GGT7: variants seen among roughly 807,000 people sequenced by gnomAD.
The protein encoded by GGT7 is glutathione hydrolase 7.
GGT7 carries 30 observed loss-of-function variants against 69.2 expected under a neutral mutation model. The ratio of observed to expected loss-of-function variants is 0.43; its 90% CI spans 0.32 to 0.59. The LOEUF (loss-of-function observed/expected upper bound fraction) is 0.59, where lower values mean the gene tolerates loss of function less well. Among genes scored for constraint, GGT7 ranks in the 20% least tolerant of loss-of-function variants. The probability of loss-of-function intolerance (pLI) is 0.05; values close to 1 mark genes in which losing one functional copy is unlikely to be tolerated. For missense variants in GGT7, 733 were observed against 901.1 expected, an observed-to-expected ratio of 0.81 and a Z score of 2.39; for synonymous variants, 388 against 391.8, an observed-to-expected ratio of 0.99 and a Z score of 0.12.
intron 12 of GGT7, 43 bp from the exon 13 acceptor site, chr20:34,851,411 G>A (rs765829550): frequency 6.4e-7 from 1 of 1,569,610 alleles, no homozygotes. Context: ...GGTGGGGTGG[G>A]ACAAGACCGG....
rs1171478210 is a variant in GGT7, at chr20:34,850,009, G to A, written c.1777C>T (p.Arg593Cys). Residue 593 changes from arginine (R) to cysteine (C), a missense_variant, in exon 14 of 15, where the codon CGC becomes TGC. Physicochemically the swap from Arg to Cys is radical, Grantham distance 180. Transcript: ENST00000336431. ...LNRNLSDSLA[R>C]GRLHPDLQSN... ...TGCAGGTCCGGGTGTAGGCGGCCGC[G>A]GGCCAGGCTGTCACTCAGGTTCCGG... 22 of 1,613,726 alleles carry A rather than the reference G, an allele frequency of 1.4e-5. No homozygotes were observed. The highest frequency in any genetic ancestry group is 4.0e-5 in the African/African-American group (3 of 74,916).
At chr20:34,861,026 C>G (rs553792544) in intron 4 of GGT7, among the ~76,000 whole-genome samples, 1 of 152,172 alleles carries the variant, frequency 6.6e-6, no homozygotes, top group Non-Finnish European at 1.5e-5. Flanking sequence ...GCACTAAGTA[C>G]CCATTTTTCC....
At chr20:34,861,613 T>G in intron 3 of GGT7, 51 bp from the exon 4 acceptor site, 1 of 1,105,214 alleles carries the variant, frequency 9.0e-7, no homozygotes, top group Non-Finnish European at 1.2e-6. Flanking sequence ...TACCCCTCTG[T>G]ACAATGAATC....
At chr20:34,862,750 T>C in intron 3 of GGT7, 64 bp downstream of exon 3, 2 of 1,505,688 alleles carry the variant, frequency 1.3e-6, no homozygotes, top group Non-Finnish European at 1.8e-6. Context: ...GTGCTGCACA[T>C]GAGGCCTACA....
chr20:34,853,949 T>C (rs1026918021), intron 10 of GGT7, among the ~76,000 whole-genome samples: 2 of 152,182 alleles, frequency 1.3e-5, no homozygotes. Context: ...TGTTTGTTTG[T>C]TTTTGGAGAC....
At position 34,854,926 on chromosome 20, in the gene GGT7, G is replaced by C; in HGVS notation, c.1103-3C>G. The C allele has an allele frequency of 6.2e-7, 1 of 1,613,476 alleles. No homozygotes were observed. Among genetic ancestry groups the C allele is most frequent in the Non-Finnish European group, 8.5e-7 (1 of 1,179,796 alleles). On this transcript the variant is annotated splice_region_variant and splice_polypyrimidine_tract_variant and intron_variant, in intron 8 of 14. Transcript: ENST00000336431. ...TGGGGGACTAAGAACCAGGTGGCCT[G>C]AAAGGACAGGAAGTGACTGATGGCA...
chr20:34,872,637 C>T lies in GGT7; in HGVS notation c.169+10G>A, dbSNP rs1263497002. The T allele has an allele frequency of 2.1e-6, 3 of 1,448,418 alleles. No homozygotes were observed. Among genetic ancestry groups the T allele is most frequent in the Admixed American group, 2.9e-5 (1 of 34,412 alleles). The allele number at this position is 1,448,418 out of a possible 1,614,324, so 89.7% of individuals were successfully genotyped here. Reference sequence around the variant, plus strand: ...CAAGGCAGGGCAGGGACGGGGTCAGCGGGCCTCACCGGTGTCGGGGTCTCC... The same window carrying T: ...CAAGGCAGGGCAGGGACGGGGTCAGTGGGCCTCACCGGTGTCGGGGTCTCC... On this transcript the variant is annotated intron_variant, in intron 1 of 14. Coordinates refer to ENST00000336431, the MANE Select transcript of GGT7 (RefSeq NM_178026.3).
At chr20:34,853,075 G>C (rs958632676) in intron 10 of GGT7, among the ~76,000 whole-genome samples, 2 of 151,804 alleles carry the variant, frequency 1.3e-5, no homozygotes, top group East Asian at 3.9e-4. Context: ...TCAGCCTCCC[G>C]ATTATCTGGG....
Position 34,859,358 on chromosome 20 carries a change from G to A in GGT7, c.1014+85C>T, listed in dbSNP as rs1183020084. 5.1e-6 allele frequency: 5 copies of A among 990,042 alleles called. No homozygotes were observed. In the African/African-American group the frequency reaches 6.5e-5, roughly 13 times the overall value. 61.3% of individuals were successfully genotyped at this position (990,042 alleles called of 1,614,324 possible). A position where few individuals can be genotyped will look rare whatever the true frequency, so the allele number is the denominator to read the frequency against. On this transcript the variant is annotated intron_variant, in intron 7 of 14. Transcript: ENST00000336431. ...ATATAGAAAGAAAGGGAGGGAGGGA[G>A]GGAAGGAAGGAAAAAATGCGGACGC...
intron 7 of GGT7, among the ~76,000 whole-genome samples, chr20:34,859,129 C>T (rs939375559): frequency 2.0e-5 from 3 of 151,722 alleles, no homozygotes; most frequent in Admixed American, 6.6e-5. Flanking sequence ...AAGATCGCAC[C>T]ACTGCACTCC....
chr20:34,871,674 C>G (rs767972788), intron 1 of GGT7, among the ~76,000 whole-genome samples: 8 of 152,178 alleles, frequency 5.3e-5, no homozygotes, highest in Non-Finnish European at 1.0e-4. Flanking sequence ...AGGGCCAAGC[C>G]GGAAAAGCAG....
At chr20:34,851,654 G>A (rs1445725820) in intron 12 of GGT7, among the ~76,000 whole-genome samples, 1 of 152,214 alleles carries the variant, frequency 6.6e-6, no homozygotes, top group Non-Finnish European at 1.5e-5. Context: ...CAATGGGGAA[G>A]AACAGGATAA....
chr20:34,861,564 TG>T lies in GGT7; in HGVS notation c.558-3del. 6.9e-7 allele frequency: 1 copy of T among 1,456,010 alleles called. No homozygotes were observed. The highest frequency in any genetic ancestry group is 9.2e-7 in the Non-Finnish European group (1 of 1,082,672). 90.2% of individuals were successfully genotyped at this position (1,456,010 alleles called of 1,614,324 possible). On this transcript the variant is annotated splice_polypyrimidine_tract_variant and splice_region_variant and intron_variant, in intron 3 of 14. Transcript: ENST00000336431. Reference sequence around the variant, plus strand: ...TCATGTACCAGCATCACGCCCCCACTGGGAGAGACACAGAAGGGGAAGTGTG... The same window carrying T: ...TCATGTACCAGCATCACGCCCCCACTGGAGAGACACAGAAGGGGAAGTGTG...
intron 14 of GGT7, among the ~76,000 whole-genome samples, chr20:34,849,660 G>A (rs967532892): frequency 6.6e-6 from 1 of 152,168 alleles, no homozygotes; most frequent in Non-Finnish European, 1.5e-5. Flanking sequence ...CCTGGAACAC[G>A]TACGTGTTCA....
rs2079597150 is a variant in GGT7, at chr20:34,861,577, G to A, written c.558-15C>T. On this transcript the variant is annotated splice_polypyrimidine_tract_variant and intron_variant, in intron 3 of 14. Coordinates refer to ENST00000336431, the MANE Select transcript of GGT7 (RefSeq NM_178026.3). ...TCACGCCCCCACTGGGAGAGACACA[G>A]AAGGGGAAGTGTGATGATAACATGC... The A allele has an allele frequency of 1.4e-6, 2 of 1,401,424 alleles. No homozygotes were observed. Among genetic ancestry groups the A allele is most frequent in the Non-Finnish European group, 1.9e-6 (2 of 1,043,190 alleles). The allele number at this position is 1,401,424 out of a possible 1,614,324, so 86.8% of individuals were successfully genotyped here.
intron 1 of GGT7, among the ~76,000 whole-genome samples, chr20:34,871,523 CCATCTT>C (rs1227150649): frequency 6.6e-6 from 1 of 152,240 alleles, no homozygotes; most frequent in Non-Finnish European, 1.5e-5. Flanking sequence ...CCTCTAAACT[CCATCTT>C]CATTATCTCC....
intron 7 of GGT7, among the ~76,000 whole-genome samples, chr20:34,857,869 T>C (rs1271282201): frequency 6.6e-6 from 1 of 152,216 alleles, no homozygotes; most frequent in Admixed American, 6.5e-5. Context: ...TCCACCCATC[T>C]TGGCCTCCCA....
chr20:34,852,268 G>C lies in GGT7; in HGVS notation c.1474C>G (p.Leu492Val). Residue 492 changes from leucine to valine, a missense_variant, in exon 12 of 15, where the codon CTG becomes GTG. By Grantham distance (32) the Leu-to-Val change is conservative. Coordinates refer to ENST00000336431, the MANE Select transcript of GGT7 (RefSeq NM_178026.3). Reference sequence around the variant, plus strand: ...AGGCCGCTGCCAAAGGGCTGGTTCAGGGAGCTGGGGGCCGAGGTGGGGTTG... The same window carrying C: ...AGGCCGCTGCCAAAGGGCTGGTTCACGGAGCTGGGGGCCGAGGTGGGGTTG... The part of the protein sequence containing the change: ...DDFIVAMVSS[L>V]NQPFGSGLIT... 1.2e-6 allele frequency: 2 copies of C among 1,612,254 alleles called. No individual in the cohort carries two copies. Among genetic ancestry groups the C allele is most frequent in the East Asian group, 4.5e-5 (2 of 44,870 alleles).
chr20:34,862,381 G>C (rs1283311722), intron 3 of GGT7, among the ~76,000 whole-genome samples: 4 of 152,126 alleles, frequency 2.6e-5, no homozygotes, highest in Admixed American at 2.6e-4. Context: ...TGTGTGCTGG[G>C]TGTTGCCCAT....
Sources: gnomAD v4.1 joint callset for allele counts (sites outside exome capture counted in the v4.1 genomes callset) on GRCh38, gnomAD v4.1.1 for gene constraint, MANE v1.5 for transcripts, NCBI Gene and HGNC (gene_info 2026-07-23, HGNC 2026-07-21) for gene names.